Variants in KBTBD11 observed in about 807,000 individuals in gnomAD.
The protein encoded by KBTBD11 is kelch repeat and BTB domain containing 11, also known as kelch repeat and BTB domain-containing protein 11.
For synonymous variants in KBTBD11, 747 were observed against 499.0 expected (o/e 1.50, Z -6.63); for missense variants, 1,390 against 1,001.8 (o/e 1.39, Z -5.23).
In KBTBD11 at chr8:2,003,185, C is replaced by G. The variant is rs1282744258; in HGVS notation, c.*121C>G. ...GCTGGCCACGCTGGTGGTTTGGACA[C>G]TTCGAAGGAGCCCCGAGGACGCTCT... On this transcript the variant is annotated 3_prime_UTR_variant, in exon 2 of 2. Transcript: ENST00000320248. The G allele has an allele frequency of 2.6e-5, 32 of 1,236,398 alleles. No individual in the cohort carries two copies. The highest frequency in any genetic ancestry group is 4.2e-5 in the Admixed American group (1 of 23,534). The allele number at this position is 1,236,398 out of a possible 1,614,324, so 76.6% of individuals were successfully genotyped here.
At position 2,005,981 on chromosome 8, in the gene KBTBD11, C is replaced by T. The variant is rs1817561459; in HGVS notation, c.*2917C>T. 6.0e-6 allele frequency: 1 copy of T among 167,078 alleles called. No homozygotes were observed. The highest frequency in any genetic ancestry group is 1.5e-5 in the Non-Finnish European group (1 of 68,130). The allele number at this position is 167,078 out of a possible 1,614,324, so 10.3% of individuals were successfully genotyped here. A position where few individuals can be genotyped will look rare whatever the true frequency, so the allele number is the denominator to read the frequency against. ...TTTTATTCTTCCTCTTGGGAACATC[C>T]CTCCACTCCGCACTGCTTCCTGCAG... On this transcript the variant is annotated 3_prime_UTR_variant, in exon 2 of 2. Transcript: ENST00000320248.
In KBTBD11 at chr8:2,002,782, G is replaced by A; in HGVS notation, c.1590G>A (p.Leu530=). 1 of 1,468,576 alleles carries A rather than the reference G, an allele frequency of 6.8e-7. No homozygotes were observed. The highest frequency in any genetic ancestry group is 8.9e-7 in the Non-Finnish European group (1 of 1,117,992). 91.0% of individuals were successfully genotyped at this position (1,468,576 alleles called of 1,614,324 possible). A position where few individuals can be genotyped will look rare whatever the true frequency, so the allele number is the denominator to read the frequency against. The change falls in exon 2 of 2, where the codon CTG becomes CTA. Residue 530 remains leucine (L), a synonymous_variant. Transcript: ENST00000320248. The surrounding 1 kb of genome is among the most constrained non-coding windows in gnomAD (Gnocchi z 4.1). ...TCAGCGTGTCCCGATACCACTGCCT[G>A]GCCAAGCAGTGGAGCCCGTGCGTCG... ...SGVSVSRYHC[L]AKQWSPCVAP...
chr8:1,973,766 T>C lies in KBTBD11; in HGVS notation c.-1078T>C, dbSNP rs1400194910. On this transcript the variant is annotated 5_prime_UTR_variant, in exon 1 of 2. Transcript: ENST00000320248. ...GGAGAGGCCTGTCCACCGCCCCCTC[T>C]GCCGCCCACGCCCCGCTGCGGGTCG... The C allele has an allele frequency of 2.0e-6, 2 of 983,664 alleles. No individual in the cohort carries two copies. The highest frequency in any genetic ancestry group is 2.4e-6 in the Non-Finnish European group (2 of 829,292). 60.9% of individuals were successfully genotyped at this position (983,664 alleles called of 1,614,324 possible).
At chr8:1,997,955 A>G (rs1817204613) in intron 1 of KBTBD11, among the ~76,000 whole-genome samples, 1 of 152,190 alleles carries the variant, frequency 6.6e-6, no homozygotes, top group South Asian at 2.1e-4. Context: ...GTGTGTTGGA[A>G]AAGTAACATA....
intron 1 of KBTBD11, among the ~76,000 whole-genome samples, chr8:1,995,870 C>CA (rs1817118911): frequency 6.6e-6 from 1 of 152,180 alleles, no homozygotes; most frequent in East Asian, 1.9e-4. Flanking sequence ...ACTAAACATA[C>CA]AAAAATTAGC....
Position 2,003,208 on chromosome 8 carries a change from T to C in KBTBD11, c.*144T>C. The C allele has an allele frequency of 8.4e-7, 1 of 1,189,674 alleles. No individual in the cohort carries two copies. 73.7% of individuals were successfully genotyped at this position (1,189,674 alleles called of 1,614,324 possible). A position where few individuals can be genotyped will look rare whatever the true frequency, so the allele number is the denominator to read the frequency against. The stretch of plus-strand genomic sequence containing the variant: ...CACTTCGAAGGAGCCCCGAGGACGC[T>C]CTCAGGGCCGCTTTCGCTTTGCTTT... On this transcript the variant is annotated 3_prime_UTR_variant, in exon 2 of 2. Transcript: ENST00000320248.
Position 2,002,866 on chromosome 8 carries a change from G to A in KBTBD11, c.1674G>A (p.Leu558=). 7.3e-7 allele frequency: 1 copy of A among 1,367,878 alleles called. No individual in the cohort carries two copies. The highest frequency in any genetic ancestry group is 1.7e-5 in the South Asian group (1 of 58,608). 84.7% of individuals were successfully genotyped at this position (1,367,878 alleles called of 1,614,324 possible). ...TGLQPFRCAA[L]DGAIYCVSRA... is the part of the protein sequence containing the mutation. ...TGCAGCCCTTCCGCTGCGCCGCCCT[G>A]GACGGCGCCATCTACTGCGTGAGCC... The change falls in exon 2 of 2, where the codon CTG becomes CTA. Residue 558 remains leucine (L), a synonymous_variant. Transcript: ENST00000320248. The surrounding 1 kb of genome is among the most constrained non-coding windows in gnomAD (Gnocchi z 4.1).
chr8:1,986,913 C>A (rs1457055740), intron 1 of KBTBD11, among the ~76,000 whole-genome samples: 1 of 149,410 alleles, frequency 6.7e-6, no homozygotes, highest in Non-Finnish European at 1.5e-5. Flanking sequence ...TGCCTCACTC[C>A]TGTAATCTCA....
Position 2,003,091 on chromosome 8 carries a change from T to C in KBTBD11, c.*27T>C, listed in dbSNP as rs909628439. On this transcript the variant is annotated 3_prime_UTR_variant, in exon 2 of 2. Coordinates refer to ENST00000320248, the MANE Select transcript of KBTBD11 (RefSeq NM_014867.3). ...CCGGCGGGGTCGGCGGGCGTCTCCCTCGGCAGGGGTTTGCGGGGCCCAGGT... is the reference window on the plus strand; with the variant it reads ...CCGGCGGGGTCGGCGGGCGTCTCCCCCGGCAGGGGTTTGCGGGGCCCAGGT... 13 of 1,257,492 alleles carry C rather than the reference T, an allele frequency of 1.0e-5. No homozygotes were observed. The highest frequency in any genetic ancestry group is 1.3e-5 in the Non-Finnish European group (13 of 997,630). 77.9% of individuals were successfully genotyped at this position (1,257,492 alleles called of 1,614,324 possible).
chr8:2,002,993 C>G lies in KBTBD11; in HGVS notation c.1801C>G (p.Arg601Gly), dbSNP rs1476667262. ...GGCGCTGGGCGCCCCCTTGGACGTC[C>G]GGGGTGTGCTCATCCCGTTCGCTCT... is the stretch of plus-strand genomic sequence containing the variant. ...FEALGAPLDV[R>G]GVLIPFALSL... is the part of the protein sequence containing the mutation. The change falls in exon 2 of 2, where the codon CGG (arginine) becomes GGG (glycine). Residue 601 changes from arginine (R) to glycine (G), a missense_variant. Transcript: ENST00000320248. The surrounding 1 kb of genome is among the most constrained non-coding windows in gnomAD (Gnocchi z 4.1). 2.3e-6 allele frequency: 3 copies of G among 1,306,248 alleles called. No individual in the cohort carries two copies. The highest frequency in any genetic ancestry group is 2.9e-6 in the Non-Finnish European group (3 of 1,028,548). The allele number at this position is 1,306,248 out of a possible 1,614,324, so 80.9% of individuals were successfully genotyped here.
intron 1 of KBTBD11, among the ~76,000 whole-genome samples, chr8:1,984,401 GC>G (rs1448042159): frequency 1.4e-5 from 2 of 143,784 alleles, no homozygotes; most frequent in Non-Finnish European, 3.0e-5. Context: ...CCGTTCTCCT[GC>G]CTCAGCCTCC....
At chr8:1,974,131 AGGGG>A (rs1816229953) in intron 1 of KBTBD11, among the ~76,000 whole-genome samples, 196 bp downstream of exon 1, 1 of 36,352 alleles carries the variant, frequency 2.8e-5, no homozygotes, top group Non-Finnish European at 5.5e-5. Context: ...AGCGGAGCGG[AGGGG>A]AGGGGAGGGG....
At position 2,002,612 on chromosome 8, in the gene KBTBD11, G is replaced by C; in HGVS notation, c.1420G>C (p.Asp474His). Residue 474 changes from aspartate (D) to histidine (H), a missense_variant, in exon 2 of 2, where the codon GAC becomes CAC. By Grantham distance (81) the Asp-to-His change is moderately conservative. Coordinates refer to ENST00000320248, the MANE Select transcript of KBTBD11 (RefSeq NM_014867.3). This position sits in a 1 kb window ranked among gnomAD's most constrained non-coding sequence, Gnocchi z 4.1. ...CCTCTTCTATCGCCTGCTCAAGTAT[G>C]ACCCGCGGCGCGACGAGTGGCAGGA... Reference protein sequence around the residue: ...GSLFYRLLKYDPRRDEWQECP... With the variant: ...GSLFYRLLKYHPRRDEWQECP... 1 of 1,584,200 alleles carries C rather than the reference G, an allele frequency of 6.3e-7. No individual in the cohort carries two copies.
chr8:2,002,291 G>A lies in KBTBD11; in HGVS notation c.1099G>A (p.Val367Met), dbSNP rs1406691328. The A allele has an allele frequency of 7.5e-7, 1 of 1,332,728 alleles. No individual in the cohort carries two copies. Among genetic ancestry groups the A allele is most frequent in the East Asian group, 3.3e-5 (1 of 30,726 alleles). 82.6% of individuals were successfully genotyped at this position (1,332,728 alleles called of 1,614,324 possible). ...LYNYLFVAGG[V>M]APAGPDGRAR... ...CAACTACCTCTTCGTGGCGGGCGGC[G>A]TGGCGCCCGCGGGCCCCGACGGCCG... The change falls in exon 2 of 2, where the codon GTG becomes ATG. Residue 367 changes from valine to methionine, a missense_variant. Physicochemically the swap from Val to Met is conservative, Grantham distance 21. Transcript: ENST00000320248. This position sits in a 1 kb window ranked among gnomAD's most constrained non-coding sequence, Gnocchi z 4.1.
rs1817352829 is a variant in KBTBD11 at position 2,001,482 on chromosome 8, GCGCGTGCCCGGAAGAGCC to G, written c.295_312del (p.Cys99_Ala104del). 5 of 1,378,298 alleles carry G rather than the reference GCGCGTGCCCGGAAGAGCC, an allele frequency of 3.6e-6. No individual in the cohort carries two copies. The highest frequency in any genetic ancestry group is 4.7e-6 in the Non-Finnish European group (5 of 1,073,404). 85.4% of individuals were successfully genotyped at this position (1,378,298 alleles called of 1,614,324 possible). Reference sequence around the variant, plus strand: ...GAGGAGCTCGCGTCCCCTGAGGAGCGCGCGTGCCCGGAAGAGCCCGCGGCGCCGTCCCCCGAACCGCGC... The same window carrying G: ...GAGGAGCTCGCGTCCCCTGAGGAGCGCGCGGCGCCGTCCCCCGAACCGCGC... On this transcript the variant is annotated inframe_deletion, in exon 2 of 2. Transcript: ENST00000320248.
At chr8:1,976,295 TTTC>T (rs1377631014) in intron 1 of KBTBD11, 3 of 151,850 alleles carry the variant, frequency 2.0e-5, no homozygotes, top group African/African-American at 7.3e-5. Flanking sequence ...TTGTTTTTTT[TTTC>T]CTCTTGAAAT....
intron 1 of KBTBD11, among the ~76,000 whole-genome samples, chr8:1,995,776 C>A (rs1423222306): frequency 6.6e-6 from 1 of 152,120 alleles, no homozygotes; most frequent in Non-Finnish European, 1.5e-5. Flanking sequence ...GTAATCCCAG[C>A]AAATTTAGGA....
chr8:1,987,059 G>T (rs1455415091), intron 1 of KBTBD11, among the ~76,000 whole-genome samples: 1 of 146,364 alleles, frequency 6.8e-6, no homozygotes, highest in Non-Finnish European at 1.5e-5. Context: ...CACAAAGAAG[G>T]AACCTGAATG....
At chr8:1,987,977 G>C (rs1157689263) in intron 1 of KBTBD11, among the ~76,000 whole-genome samples, 1 of 152,134 alleles carries the variant, frequency 6.6e-6, no homozygotes, top group Non-Finnish European at 1.5e-5. Context: ...GTGAGAACAT[G>C]TGGTGTTTGG....
Sources: gnomAD v4.1 joint callset for allele counts (sites outside exome capture counted in the v4.1 genomes callset) on GRCh38, gnomAD v4.1.1 for gene constraint, Gnocchi (gnomAD v3.1) non-coding constraint, MANE v1.5 for transcripts, NCBI Gene and HGNC (gene_info 2026-07-23, HGNC 2026-07-21) for gene names.